The following GRID1 variants were observed in gnomAD, a reference collection of about 807,000 sequenced individuals.
GRID1 encodes the protein glutamate ionotropic receptor delta type subunit 1, also known as glutamate receptor ionotropic, delta-1.
Under a neutral mutation model 98.0 loss-of-function variants are expected in GRID1, and 28 were observed. The observed-to-expected ratio is 0.29, with a 90% CI of 0.21 to 0.39. GRID1 has a LOEUF of 0.39. Ranked by LOEUF, GRID1 falls within the 10% of genes least tolerant of loss-of-function variation. The pLI is 1.00. For missense variants in GRID1, 1,111 were observed against 1,340.5 expected, an observed-to-expected ratio of 0.83 and a Z score of 2.67; for synonymous variants, 553 against 538.5, an observed-to-expected ratio of 1.03 and a Z score of -0.37.
intron 12 of GRID1, among the ~76,000 whole-genome samples, chr10:85,714,558 A>G (rs1841617346): frequency 1.3e-5 from 2 of 152,226 alleles, no homozygotes; most frequent in Non-Finnish European, 2.9e-5. Flanking sequence ...TGCAGGATAC[A>G]AAATAAACAT....
At chr10:86,146,292 A>G (rs114752150) in intron 3 of GRID1, among the ~76,000 whole-genome samples, 2,828 of 152,210 alleles carry the variant, frequency 0.019, 100 homozygotes, top group African/African-American at 0.064. Flanking sequence ...TAGACTTTTT[A>G]TTTTTACTTC....
At chr10:86,254,678 G>A (rs148908403) in intron 2 of GRID1, among the ~76,000 whole-genome samples, 4 of 152,326 alleles carry the variant, frequency 2.6e-5, no homozygotes, top group African/African-American at 9.6e-5. Flanking sequence ...CTCCACAATG[G>A]CAGGCAGGGC....
At chr10:86,166,402 T>A (rs572180456) in intron 3 of GRID1, among the ~76,000 whole-genome samples, 3 of 152,174 alleles carry the variant, frequency 2.0e-5, no homozygotes, top group Non-Finnish European at 2.9e-5. Context: ...AACAGACACT[T>A]CTCAAAAAAC....
chr10:85,782,093 A>G (rs1456405739), intron 8 of GRID1, among the ~76,000 whole-genome samples: 1 of 152,262 alleles, frequency 6.6e-6, no homozygotes, highest in Non-Finnish European at 1.5e-5. Flanking sequence ...TAATAATTTC[A>G]TAACATTTTT....
At position 86,128,449 on chromosome 10, in the gene GRID1, G is replaced by C. The variant is rs180765680; in HGVS notation, c.726+10370C>G. On this transcript the variant is annotated intron_variant, in intron 4 of 15. Transcript: ENST00000327946. ...TCCTACAGCAGCTCCTTTCCCCCAGGCTCCATGACTCGAACTGTGGACCAC... is the reference window on the plus strand; with the variant it reads ...TCCTACAGCAGCTCCTTTCCCCCAGCCTCCATGACTCGAACTGTGGACCAC... Among the ~76,000 whole-genome samples the C allele has an allele frequency of 8.6e-4, 131 of 152,142 alleles. 1 individual carries two copies. Among genetic ancestry groups the C allele is most frequent in the Middle Eastern group, 3.4e-3 (1 of 294 alleles).
chr10:86,067,882 C>T (rs1843742764), intron 4 of GRID1, among the ~76,000 whole-genome samples: 1 of 152,206 alleles, frequency 6.6e-6, no homozygotes, highest in South Asian at 2.1e-4. Flanking sequence ...TGCCAAGCTT[C>T]CTCCCCTGCC....
intron 4 of GRID1, among the ~76,000 whole-genome samples, chr10:86,096,093 A>G (rs914278150): frequency 7.2e-5 from 11 of 152,250 alleles, no homozygotes; most frequent in Admixed American, 1.3e-4. Flanking sequence ...GATGTAATTC[A>G]GAAATGGAAA....
chr10:86,094,406 T>C (rs1016171111), intron 4 of GRID1, among the ~76,000 whole-genome samples: 2 of 152,190 alleles, frequency 1.3e-5, no homozygotes, highest in Non-Finnish European at 2.9e-5. Context: ...GAAGTCAAAC[T>C]GTCACTGTTT....
At chr10:86,131,319 G>A (rs1844833453) in intron 4 of GRID1, among the ~76,000 whole-genome samples, 1 of 152,170 alleles carries the variant, frequency 6.6e-6, no homozygotes, top group African/African-American at 2.4e-5. Flanking sequence ...TCCGGGAGCA[G>A]AAAGGGTAAT....
intron 4 of GRID1, among the ~76,000 whole-genome samples, chr10:85,967,777 A>G (rs1056574973): frequency 3.3e-5 from 5 of 152,238 alleles, no homozygotes; most frequent in African/African-American, 1.2e-4. Flanking sequence ...AAGTAGCAAG[A>G]AAGAAATGAC....
At chr10:86,248,230 TCACCTTCACC>T (rs1464543954) in intron 2 of GRID1, among the ~76,000 whole-genome samples, 4 of 151,956 alleles carry the variant, frequency 2.6e-5, no homozygotes, top group African/African-American at 4.8e-5. Flanking sequence ...CCAGCGGGAG[TCACCTTCACC>T]CACCTTCACC....
intron 4 of GRID1, among the ~76,000 whole-genome samples, chr10:86,066,794 T>C (rs1843725668): frequency 6.6e-6 from 1 of 152,196 alleles, no homozygotes; most frequent in Non-Finnish European, 1.5e-5. Flanking sequence ...CCTCCTCCCC[T>C]TTAAGGAAAT....
chr10:86,216,446 A>G (rs1846178228), intron 2 of GRID1, among the ~76,000 whole-genome samples: 1 of 152,242 alleles, frequency 6.6e-6, no homozygotes, highest in African/African-American at 2.4e-5. Flanking sequence ...GAATGAGGCA[A>G]TGGAAAATTC....
rs1274141292 is a variant in GRID1, at chr10:86,362,274, GC to G, written c.235+1666del. Among the ~76,000 whole-genome samples the G allele has an allele frequency of 3.3e-5, 5 of 152,294 alleles. No homozygotes were observed. In the South Asian group the frequency reaches 6.2e-4, roughly 19 times the overall value. On this transcript the variant is annotated intron_variant, in intron 2 of 15. Coordinates refer to ENST00000327946, the MANE Select transcript of GRID1 (RefSeq NM_017551.3). ...CCCCACCCCATTTAGGGTTCCTTCC[GC>G]TAAGAAGGCCCTGCCCTCCCCTGGC...
chr10:86,284,334 G>A (rs1847399311), intron 2 of GRID1, among the ~76,000 whole-genome samples: 1 of 152,084 alleles, frequency 6.6e-6, no homozygotes, highest in Non-Finnish European at 1.5e-5. Context: ...TCTGGTCATT[G>A]CTGCATTTTC....
intron 4 of GRID1, among the ~76,000 whole-genome samples, chr10:85,927,510 TA>T (rs60653864): frequency 2.9e-3 from 424 of 146,146 alleles, no homozygotes; most frequent in African/African-American, 4.0e-3. Context: ...AAGTTTCTTG[TA>T]AAAAAAAAAA....
At chr10:85,823,691 G>A (rs1842793479) in intron 8 of GRID1, among the ~76,000 whole-genome samples, 1 of 151,844 alleles carries the variant, frequency 6.6e-6, no homozygotes, top group African/African-American at 2.4e-5. Flanking sequence ...TCTAAATACA[G>A]TAAGACTACT....
In GRID1 at chr10:86,361,597, AC is replaced by A. The variant is rs1371771718; in HGVS notation, c.235+2343del. On this transcript the variant is annotated intron_variant, in intron 2 of 15. Transcript: ENST00000327946. The stretch of plus-strand genomic sequence containing the variant: ...GACCCAGAAAAGGCCCCTGGGTGGA[AC>A]CTTTGTCCCCAGGACAAAGTTGCTT... Among the ~76,000 whole-genome samples, 15 of 152,328 alleles carry A rather than the reference AC, an allele frequency of 9.8e-5. No homozygotes were observed. The South Asian group carries it at 2.9e-3, about 29-fold the overall frequency.
At chr10:85,637,438 A>G (rs556593473) in intron 13 of GRID1, among the ~76,000 whole-genome samples, 8 of 152,346 alleles carry the variant, frequency 5.3e-5, no homozygotes, top group African/African-American at 1.9e-4. Context: ...GGCACATTTT[A>G]ATTGGTCAAG....
Sources: gnomAD v4.1 joint callset for allele counts (sites outside exome capture counted in the v4.1 genomes callset) on GRCh38, gnomAD v4.1.1 for gene constraint, MANE v1.5 for transcripts, NCBI Gene and HGNC (gene_info 2026-07-23, HGNC 2026-07-21) for gene names.